ZNF627: variants seen among roughly 807,000 people sequenced by gnomAD.
ZNF627 encodes zinc finger protein 627.
ZNF627 carries 12 observed loss-of-function variants against 10.6 expected under a neutral mutation model. The observed-to-expected ratio is 1.13, with a 90% CI of 0.73 to 1.84. ZNF627 has a LOEUF of 1.84. Among genes scored for constraint, ZNF627 ranks in the 40% most tolerant of loss-of-function variants. ZNF627 has a pLI of 0.00. For synonymous variants in ZNF627, 176 were observed against 187.1 expected, an observed-to-expected ratio of 0.94 and a Z score of 0.48; for missense variants, 504 against 568.4, an observed-to-expected ratio of 0.89 and a Z score of 1.15.
At position 11,617,723 on chromosome 19, in the gene ZNF627, G is replaced by A. The variant is rs780709742; in HGVS notation, c.1220G>A (p.Arg407Gln). The A allele has an allele frequency of 1.5e-5, 24 of 1,612,920 alleles. No homozygotes were observed. Among genetic ancestry groups the A allele is most frequent in the African/African-American group, 6.7e-5 (5 of 74,770 alleles). Residue 407 changes from arginine to glutamine, a missense_variant, in exon 4 of 4, where the codon CGA becomes CAA. By Grantham distance (43) the Arg-to-Gln change is conservative. Transcript: ENST00000361113. ...GKAFSRSSYF[R>Q]IHERTHTGEK... is the part of the protein sequence containing the mutation. The stretch of plus-strand genomic sequence containing the variant: ...GCCTTCAGTCGTTCCAGTTACTTCC[G>A]AATCCATGAAAGAACTCACACTGGA...
At chr19:11,606,615 G>A (rs1237764231) in intron 1 of ZNF627, among the ~76,000 whole-genome samples, 1 of 152,204 alleles carries the variant, frequency 6.6e-6, no homozygotes, top group Non-Finnish European at 1.5e-5. Flanking sequence ...TGCCACAGTG[G>A]GGACTCTCTG....
chr19:11,609,469 TTTTATATATATATATATATATATATA>T (rs1284369212), intron 1 of ZNF627, among the ~76,000 whole-genome samples: 5 of 115,808 alleles, frequency 4.3e-5, no homozygotes, highest in African/African-American at 1.5e-4. Flanking sequence ...TTTTAAAAAA[TTTTATATATATATATATATATATATA>T]TATATATATA....
In ZNF627 at chr19:11,618,922, A is replaced by G. The variant is rs944755695; in HGVS notation, c.*1033A>G. ...TGTGAAGTCAGCGTTAACCATGTGC[A>G]TACAACTTAAGGAATTTTTTCCTCC... On this transcript the variant is annotated 3_prime_UTR_variant, in exon 4 of 4. Transcript: ENST00000361113. 6.6e-6 allele frequency: 1 copy of G among 152,208 alleles called. No individual in the cohort carries two copies. The highest frequency in any genetic ancestry group is 1.5e-5 in the Non-Finnish European group (1 of 68,044). 9.4% of individuals were successfully genotyped at this position (152,208 alleles called of 1,614,324 possible).
Position 11,617,415 on chromosome 19 carries a change from G to T in ZNF627, c.912G>T (p.Glu304Asp), listed in dbSNP as rs777907004. ...GTCACGAGAGGACTCACACCGGAGA[G>T]AAACTTTTTGAATGTAAGGAATGCG... The part of the protein sequence containing the change: ...VRSHERTHTG[E>D]KLFECKECGK... The change falls in exon 4 of 4, where the codon GAG (glutamate) becomes GAT (aspartate). Residue 304 changes from glutamate to aspartate, a missense_variant. Glu to Asp is a conservative substitution (Grantham distance 45, BLOSUM62 2). Transcript: ENST00000361113. 47 of 1,613,922 alleles carry T rather than the reference G, an allele frequency of 2.9e-5. No homozygotes were observed. Among genetic ancestry groups the T allele is most frequent in the Non-Finnish European group, 3.6e-5 (42 of 1,180,044 alleles).
intron 1 of ZNF627, among the ~76,000 whole-genome samples, chr19:11,599,625 G>T (rs1396204986): frequency 6.6e-6 from 1 of 152,122 alleles, no homozygotes; most frequent in Non-Finnish European, 1.5e-5. Flanking sequence ...CCTGACTTAG[G>T]CCGGGCGCGG....
chr19:11,617,487 G>A lies in ZNF627; in HGVS notation c.984G>A (p.Lys328=), dbSNP rs1159780042. The change falls in exon 4 of 4, where the codon AAG becomes AAA. Residue 328 remains lysine, a synonymous_variant. Transcript: ENST00000361113. ...CAAGTGTTAGAAGACACATGATAAA[G>A]CACACTGGCAATGGACCTTATAAAT... ...CLASVRRHMI[K]HTGNGPYKCK... 2 of 1,613,486 alleles carry A rather than the reference G, an allele frequency of 1.2e-6. No individual in the cohort carries two copies. The highest frequency in any genetic ancestry group is 2.2e-5 in the East Asian group (1 of 44,810).
chr19:11,606,751 G>T (rs147686725), intron 1 of ZNF627, among the ~76,000 whole-genome samples: 2 of 152,190 alleles, frequency 1.3e-5, no homozygotes, highest in Admixed American at 1.3e-4. Context: ...CTGAAATCTC[G>T]GCAGAGGTTC....
chr19:11,617,255 A>G lies in ZNF627; in HGVS notation c.752A>G (p.Tyr251Cys). The change falls in exon 4 of 4, where the codon TAT becomes TGT. Residue 251 changes from tyrosine (Y) to cysteine (C), a missense_variant. Coordinates refer to ENST00000361113, the MANE Select transcript of ZNF627 (RefSeq NM_145295.4). ...HERTHTGDKP[Y>C]ECKQCGKAFS... ...AGGACTCACACTGGAGATAAACCCT[A>G]TGAATGCAAGCAGTGTGGGAAAGCT... The G allele has an allele frequency of 6.2e-7, 1 of 1,613,862 alleles. No individual in the cohort carries two copies. The highest frequency in any genetic ancestry group is 8.5e-7 in the Non-Finnish European group (1 of 1,179,964).
chr19:11,603,073 T>G (rs1019699427), intron 1 of ZNF627, among the ~76,000 whole-genome samples: 3 of 152,220 alleles, frequency 2.0e-5, no homozygotes, highest in Non-Finnish European at 4.4e-5. Context: ...TTTTGAATTT[T>G]TAGTAAGTTA....
In ZNF627 at chr19:11,609,905, A is replaced by G. The variant is rs540225123; in HGVS notation, c.4-4622A>G. Among the ~76,000 whole-genome samples the G allele has an allele frequency of 2.0e-5, 3 of 152,212 alleles. No homozygotes were observed. The East Asian group carries it at 5.8e-4, about 29-fold the overall frequency. ...TGTCTTTACTACTTTGAGCATAGTTAAGGCGGTTGCTTAAAGTCTTCGTCC... is the reference window on the plus strand; with the variant it reads ...TGTCTTTACTACTTTGAGCATAGTTGAGGCGGTTGCTTAAAGTCTTCGTCC... On this transcript the variant is annotated intron_variant, in intron 1 of 3. Transcript: ENST00000361113.
In ZNF627 at chr19:11,614,890, A is replaced by C; in HGVS notation, c.191+3A>C. 1 of 1,599,072 alleles carries C rather than the reference A, an allele frequency of 6.3e-7. No individual in the cohort carries two copies. The highest frequency in any genetic ancestry group is 8.5e-7 in the Non-Finnish European group (1 of 1,174,054). ...AAAATTCCCAGGAGAAATATAAGGT[A>C]ATTTGCACTCACAAAAGAAAGTTCT... On this transcript the variant is annotated splice_donor_region_variant and intron_variant, in intron 3 of 3. Coordinates refer to ENST00000361113, the MANE Select transcript of ZNF627 (RefSeq NM_145295.4).
Position 11,597,611 on chromosome 19 carries a change from C to G in ZNF627, c.-17C>G, listed in dbSNP as rs1973510402. ...GGGAGTCGTAGGGAGGACGCCGGGA[C>G]ACCTGGAAGCCGAGAAATGGTGCGT... On this transcript the variant is annotated 5_prime_UTR_variant, in exon 1 of 4. Coordinates refer to ENST00000361113, the MANE Select transcript of ZNF627 (RefSeq NM_145295.4). 3.8e-6 allele frequency: 5 copies of G among 1,329,572 alleles called. No homozygotes were observed. In the East Asian group the frequency reaches 8.3e-5, roughly 22 times the overall value. 82.4% of individuals were successfully genotyped at this position (1,329,572 alleles called of 1,614,324 possible).
At chr19:11,608,074 G>A (rs776087721) in intron 1 of ZNF627, among the ~76,000 whole-genome samples, 2 of 152,050 alleles carry the variant, frequency 1.3e-5, no homozygotes, top group African/African-American at 2.4e-5. Flanking sequence ...TAATCATGAC[G>A]GAAGGAAAAA....
intron 1 of ZNF627, among the ~76,000 whole-genome samples, chr19:11,600,515 G>A (rs930259910): frequency 6.6e-6 from 1 of 151,454 alleles, no homozygotes; most frequent in Admixed American, 6.6e-5. Context: ...TTTTTTTGTG[G>A]GGGTGGGGTG....
At position 11,617,374 on chromosome 19, in the gene ZNF627, G is replaced by T; in HGVS notation, c.871G>T (p.Ala291Ser). 1 of 1,613,656 alleles carries T rather than the reference G, an allele frequency of 6.2e-7. No individual in the cohort carries two copies. The highest frequency in any genetic ancestry group is 1.7e-4 in the Middle Eastern group (1 of 6,058). The change falls in exon 4 of 4, where the codon GCC (alanine) becomes TCC (serine). Residue 291 changes from alanine (A) to serine (S), a missense_variant. By Grantham distance (99) the Ala-to-Ser change is moderately conservative. Coordinates refer to ENST00000361113, the MANE Select transcript of ZNF627 (RefSeq NM_145295.4). Reference protein sequence around the residue: ...CKQCGKAFRCASSVRSHERTH... With the variant: ...CKQCGKAFRCSSSVRSHERTH... Reference sequence around the variant, plus strand: ...ACAGTGCGGTAAAGCCTTTAGGTGCGCCAGTTCTGTTCGAAGTCACGAGAG... The same window carrying T: ...ACAGTGCGGTAAAGCCTTTAGGTGCTCCAGTTCTGTTCGAAGTCACGAGAG...
rs376473505 is a variant in ZNF627, at chr19:11,614,623, C to T, written c.100C>T (p.Arg34Trp). 1.2e-4 allele frequency: 200 copies of T among 1,613,648 alleles called. No individual in the cohort carries two copies. The highest frequency in any genetic ancestry group is 5.1e-4 in the East Asian group (23 of 44,894). Residue 34 changes from arginine (R) to tryptophan (W), a missense_variant, in exon 2 of 4, where the codon CGG (arginine) becomes TGG (tryptophan). Arg to Trp is a moderately radical substitution (Grantham distance 101). Transcript: ENST00000361113. Reference sequence around the variant, plus strand: ...GAAGAATCTCTACAGGGATGTGATGCGGGAAACCTTCAGGAACCTGGCTTC... The same window carrying T: ...GAAGAATCTCTACAGGGATGTGATGTGGGAAACCTTCAGGAACCTGGCTTC... Reference protein sequence around the residue: ...SQKNLYRDVMRETFRNLASVG... With the variant: ...SQKNLYRDVMWETFRNLASVG...
rs1226828279 is a variant in ZNF627, at chr19:11,617,100, G to A, written c.597G>A (p.Val199=). The change falls in exon 4 of 4, where the codon GTG becomes GTA. Residue 199 remains valine (V), a synonymous_variant. Coordinates refer to ENST00000361113, the MANE Select transcript of ZNF627 (RefSeq NM_145295.4). ...HRGGVPYKCK[V]CGKAFDYPSL... ...GAGGTGTACCTTACAAATGTAAGGTGTGTGGGAAAGCCTTTGATTATCCCA... is the reference window on the plus strand; with the variant it reads ...GAGGTGTACCTTACAAATGTAAGGTATGTGGGAAAGCCTTTGATTATCCCA... 1 of 1,614,116 alleles carries A rather than the reference G, an allele frequency of 6.2e-7. No homozygotes were observed. The highest frequency in any genetic ancestry group is 2.2e-5 in the East Asian group (1 of 44,892).
In ZNF627 at chr19:11,618,657, C is replaced by T. The variant is rs1274850206; in HGVS notation, c.*768C>T. 6.6e-6 allele frequency: 1 copy of T among 152,208 alleles called. No individual in the cohort carries two copies. The highest frequency in any genetic ancestry group is 2.4e-5 in the African/African-American group (1 of 41,446). The allele number at this position is 152,208 out of a possible 1,614,324, so 9.4% of individuals were successfully genotyped here. On this transcript the variant is annotated 3_prime_UTR_variant, in exon 4 of 4. Coordinates refer to ENST00000361113, the MANE Select transcript of ZNF627 (RefSeq NM_145295.4). ...TCTGCTGTAGTGTGCAGTGACTGGC[C>T]TCACCCAGGACTTTGATGTGAGAAT...
At chr19:11,597,883 G>T (rs990130003) in intron 1 of ZNF627, among the ~76,000 whole-genome samples, 10 of 152,236 alleles carry the variant, frequency 6.6e-5, no homozygotes, top group Non-Finnish European at 1.0e-4. Flanking sequence ...GGTCATGGGG[G>T]TATCCCTCCT....
Sources: gnomAD v4.1 joint callset for allele counts (sites outside exome capture counted in the v4.1 genomes callset) on GRCh38, gnomAD v4.1.1 for gene constraint, MANE v1.5 for transcripts, NCBI Gene and HGNC (gene_info 2026-07-23, HGNC 2026-07-21) for gene names.